Variants in PLCB4 observed in about 807,000 individuals in gnomAD.
PLCB4 encodes the protein phospholipase C beta 4.
Under a neutral mutation model 178.8 loss-of-function variants are expected in PLCB4, and 77 were observed. The ratio of observed to expected loss-of-function variants is 0.43; its 90% confidence interval spans 0.36 to 0.52. The LOEUF (loss-of-function observed/expected upper bound fraction) is 0.52, where lower values mean the gene tolerates loss of function less well. Among genes scored for constraint, PLCB4 ranks in the 20% least tolerant of loss-of-function variants. The pLI is 0.00. For synonymous variants in PLCB4, 496 were observed against 490.8 expected (o/e 1.01, Z -0.14); for missense variants, 1,024 against 1,453.4 (o/e 0.70, Z 4.80).
intron 3 of PLCB4, among the ~76,000 whole-genome samples, chr20:9,276,020 A>G (rs1283375789): frequency 3.3e-5 from 5 of 152,078 alleles, no homozygotes; most frequent in African/African-American, 2.4e-5. Flanking sequence ...AGGGGAGAGC[A>G]CAGTAGGGAG....
At chr20:9,148,474 G>C (rs548677708) in intron 2 of PLCB4, among the ~76,000 whole-genome samples, 5 of 152,124 alleles carry the variant, frequency 3.3e-5, no homozygotes, top group Non-Finnish European at 7.4e-5. Flanking sequence ...AAATACTGTG[G>C]CTGGAGATCC....
At chr20:9,377,912 C>T (rs751956757) in intron 12 of PLCB4, among the ~76,000 whole-genome samples, 3 of 152,094 alleles carry the variant, frequency 2.0e-5, no homozygotes, top group Non-Finnish European at 4.4e-5. Context: ...ATCAGAATTA[C>T]TCAGAAGTCT....
At chr20:9,347,125 G>A (rs1647138132) in intron 7 of PLCB4, among the ~76,000 whole-genome samples, 1 of 152,162 alleles carries the variant, frequency 6.6e-6, no homozygotes, top group African/African-American at 2.4e-5. Flanking sequence ...GGGAGCCAGG[G>A]AAATGATGTG....
intron 2 of PLCB4, among the ~76,000 whole-genome samples, chr20:9,121,339 T>C (rs6056410): frequency 0.87 from 132,305 of 152,176 alleles, 57,753 homozygotes; most frequent in East Asian, 1. Context: ...TTTCTCTCCT[T>C]GCTTCTGGCT....
At chr20:9,272,178 C>T (rs538834037) in intron 3 of PLCB4, among the ~76,000 whole-genome samples, 16 of 147,012 alleles carry the variant, frequency 1.1e-4, no homozygotes, top group South Asian at 2.2e-4. Context: ...ACCCTGCCCA[C>T]GCACCCCCCT....
At chr20:9,109,981 G>A (rs1403239120) in intron 2 of PLCB4, among the ~76,000 whole-genome samples, 1 of 152,116 alleles carries the variant, frequency 6.6e-6, no homozygotes, top group Non-Finnish European at 1.5e-5. Flanking sequence ...TAGCCCTGAT[G>A]TTCTGTGAAT....
chr20:9,351,176 T>C (rs2034307559), intron 7 of PLCB4, among the ~76,000 whole-genome samples: 1 of 151,724 alleles, frequency 6.6e-6, no homozygotes, highest in South Asian at 2.1e-4. Flanking sequence ...GTCTCAGATA[T>C]ATTTGAGTCT....
chr20:9,257,970 A>G (rs1569029705), intron 3 of PLCB4, among the ~76,000 whole-genome samples: 2 of 152,204 alleles, frequency 1.3e-5, no homozygotes, highest in East Asian at 1.9e-4. Context: ...ATATTAGCTG[A>G]AAGAAAAGAT....
At chr20:9,402,583 G>T (rs1357563430) in intron 20 of PLCB4, among the ~76,000 whole-genome samples, 1 of 152,206 alleles carries the variant, frequency 6.6e-6, no homozygotes, top group African/African-American at 2.4e-5. Flanking sequence ...ACTAGTTTAG[G>T]AGGAAACAGG....
intron 2 of PLCB4, among the ~76,000 whole-genome samples, chr20:9,213,128 C>CTTTTTTTTTTTTTTTT (rs56785951): frequency 5.6e-5 from 2 of 35,728 alleles, no homozygotes; most frequent in African/African-American, 2.5e-4. Context: ...CGTTAGCATA[C>CTTTTTTTTTTTTTTTT]TTTTTTTTTT....
chr20:9,170,941 A>T (rs2093053746), intron 2 of PLCB4, among the ~76,000 whole-genome samples: 1 of 152,184 alleles, frequency 6.6e-6, no homozygotes, highest in South Asian at 2.1e-4. Context: ...AAAATGAATG[A>T]GTTATACCAG....
chr20:9,273,536 G>A (rs1473149502), intron 3 of PLCB4, among the ~76,000 whole-genome samples: 1 of 152,098 alleles, frequency 6.6e-6, no homozygotes, highest in Non-Finnish European at 1.5e-5. Context: ...CTGTGGGTTA[G>A]AGAAGGGTCC....
chr20:9,226,342 A>G (rs559922944), intron 3 of PLCB4, among the ~76,000 whole-genome samples: 2 of 152,304 alleles, frequency 1.3e-5, no homozygotes, highest in South Asian at 2.1e-4. Context: ...CATTGGAGGT[A>G]TGTTAAAGAG....
chr20:9,446,274 G>A (rs1460974628), intron 32 of PLCB4, among the ~76,000 whole-genome samples: 1 of 152,208 alleles, frequency 6.6e-6, no homozygotes, highest in East Asian at 1.9e-4. Context: ...AGAATCCATA[G>A]TCTTGCACCA....
At chr20:9,401,809 A>G (rs533670600) in intron 20 of PLCB4, among the ~76,000 whole-genome samples, 2 of 152,290 alleles carry the variant, frequency 1.3e-5, no homozygotes, top group South Asian at 4.2e-4. Context: ...AGTGTTAACC[A>G]CTACCCATTT....
intron 2 of PLCB4, among the ~76,000 whole-genome samples, chr20:9,179,527 A>G (rs2093211255): frequency 6.6e-6 from 1 of 152,194 alleles, no homozygotes; most frequent in South Asian, 2.1e-4. Context: ...GATCTACAGA[A>G]CTGTAAGATG....
intron 1 of PLCB4, among the ~76,000 whole-genome samples, chr20:9,085,156 T>C (rs1052853514): frequency 2.2e-4 from 33 of 152,310 alleles, no homozygotes; most frequent in African/African-American, 7.7e-4. Context: ...AGGTAATGCA[T>C]ACATTTGATT....
intron 21 of PLCB4, among the ~76,000 whole-genome samples, chr20:9,406,218 A>C (rs577816463): frequency 4.9e-4 from 75 of 152,170 alleles, no homozygotes; most frequent in Non-Finnish European, 7.6e-4. Flanking sequence ...ACTACACATC[A>C]CAGACAGTAA....
At chr20:9,225,794 C>T (rs2093857536) in intron 3 of PLCB4, among the ~76,000 whole-genome samples, 1 of 152,216 alleles carries the variant, frequency 6.6e-6, no homozygotes, top group South Asian at 2.1e-4. Flanking sequence ...AAATCCAGTT[C>T]AGCTCCCTGG....
Sources: gnomAD v4.1 joint callset for allele counts (sites outside exome capture counted in the v4.1 genomes callset) on GRCh38, gnomAD v4.1.1 for gene constraint, MANE v1.5 for transcripts, NCBI Gene and HGNC (gene_info 2026-07-23, HGNC 2026-07-21) for gene names.